DIAPH2: variants seen among roughly 807,000 people sequenced by gnomAD.
The protein encoded by DIAPH2 is diaphanous related formin 2, also known as protein diaphanous homolog 2.
A neutral mutation model predicts 92.7 loss-of-function variants in DIAPH2; 35 were observed. The observed-to-expected ratio is 0.38, with a 90% CI of 0.29 to 0.50. The LOEUF (loss-of-function observed/expected upper bound fraction) is 0.50. DIAPH2 is among the 20% of genes least tolerant of loss of function. The pLI, the probability that DIAPH2 is intolerant of heterozygous loss-of-function variation, is 0.94. For synonymous variants in DIAPH2, 301 were observed against 280.4 expected, an observed-to-expected ratio of 1.07 and a Z score of -0.73; for missense variants, 701 against 819.5, an observed-to-expected ratio of 0.86 and a Z score of 1.77.
At position 97,268,926 on chromosome X, in the gene DIAPH2, G is replaced by C. The variant is rs978922853; in HGVS notation, c.2844+21087G>C. Among the ~76,000 whole-genome samples the C allele has an allele frequency of 5.1e-5, 5 of 98,998 alleles. No individual in the cohort carries two copies. The Admixed American group carries it at 5.9e-4, about 12-fold the overall frequency. 86.0% of individuals were successfully genotyped at this position (98,998 alleles called of 115,157 possible). On this transcript the variant is annotated intron_variant, in intron 23 of 26. Transcript: ENST00000324765. ...GGCTGGAGTGCAGTGGTGCAATCTCGGCTCACTGCAACCTCCGCCTCCCAG... is the reference window on the plus strand; with the variant it reads ...GGCTGGAGTGCAGTGGTGCAATCTCCGCTCACTGCAACCTCCGCCTCCCAG...
At chrX:97,334,462 C>CCA (rs1962171338) in intron 23 of DIAPH2, among the ~76,000 whole-genome samples, 1 of 32,635 alleles carries the variant, frequency 3.1e-5, no homozygotes, top group Non-Finnish European at 5.3e-5. Flanking sequence ...GACTCCGTCT[C>CCA]AAAAAAAAAA....
At chrX:96,759,812 A>T (rs1225010836) in intron 4 of DIAPH2, among the ~76,000 whole-genome samples, 1 of 111,821 alleles carries the variant, frequency 8.9e-6, no homozygotes, top group Non-Finnish European at 1.9e-5. Context: ...TGAGTATTAC[A>T]TGATTTCTGT....
At chrX:97,357,457 C>G (rs1333598248) in intron 24 of DIAPH2, among the ~76,000 whole-genome samples, 1 of 106,791 alleles carries the variant, frequency 9.4e-6, no homozygotes, top group Admixed American at 1.0e-4. Flanking sequence ...TGCCTGCCCC[C>G]TCTTCTTCTC....
intron 1 of DIAPH2, among the ~76,000 whole-genome samples, chrX:96,707,336 C>T (rs889719310): frequency 1.9e-5 from 2 of 108,053 alleles, no homozygotes; most frequent in Non-Finnish European, 3.8e-5. Flanking sequence ...GCCCAGCTAA[C>T]GTTTTTGTAT....
At chrX:96,733,428 T>A (rs187176753) in intron 1 of DIAPH2, among the ~76,000 whole-genome samples, 1 of 110,813 alleles carries the variant, frequency 9.0e-6, no homozygotes, top group African/African-American at 3.3e-5. Flanking sequence ...TATTGCCTCA[T>A]TGGGGAGCCG....
intron 23 of DIAPH2, among the ~76,000 whole-genome samples, chrX:97,339,172 C>G (rs987514422): frequency 1.8e-5 from 2 of 110,155 alleles, no homozygotes; most frequent in Non-Finnish European, 3.8e-5. Context: ...GCATAAATAC[C>G]CCAGTAATTC....
intron 19 of DIAPH2, among the ~76,000 whole-genome samples, chrX:97,096,521 G>A (rs1408487243): frequency 9.0e-6 from 1 of 111,372 alleles, no homozygotes. Context: ...GGCAACTGTG[G>A]GTTCTTGTTT....
chrX:97,082,263 T>C (rs961692550), intron 19 of DIAPH2, among the ~76,000 whole-genome samples: 1 of 110,223 alleles, frequency 9.1e-6, no homozygotes, highest in African/African-American at 3.3e-5. Flanking sequence ...TCTTTCATAC[T>C]ATATCCATTG....
At chrX:97,521,757 A>T (rs1246936077) in intron 26 of DIAPH2, among the ~76,000 whole-genome samples, 1 of 111,666 alleles carries the variant, frequency 9.0e-6, no homozygotes, top group Non-Finnish European at 1.9e-5. Context: ...GCCTTGGGGA[A>T]CTGTGAATCA....
intron 17 of DIAPH2, among the ~76,000 whole-genome samples, chrX:97,009,900 T>C (rs144511152): frequency 0.1 from 11,072 of 110,731 alleles, 638 homozygotes; most frequent in African/African-American, 0.21. Flanking sequence ...GCCTGGGTGG[T>C]GGTGGGGGGC....
At chrX:96,965,293 A>G in intron 17 of DIAPH2, 86 bp downstream of exon 17, 1 of 603,448 alleles carries the variant, frequency 1.7e-6, no homozygotes, top group South Asian at 4.4e-5. Context: ...TAATGGGTAT[A>G]TGTATACTTT....
chrX:96,915,774 TGCATGCACAC>T, intron 7 of DIAPH2, among the ~76,000 whole-genome samples: 1 of 112,098 alleles, frequency 8.9e-6, no homozygotes, highest in East Asian at 2.8e-4. Flanking sequence ...ATTAAGTGCG[TGCATGCACAC>T]GCATGCACAC....
Position 97,455,145 on chromosome X carries a change from T to C in DIAPH2, c.3241+25400T>C, listed in dbSNP as rs149412931. ...TTGTTGCTATTTAGGACGTATAGACTCTCTGCTATCCAGATCAACTCACTG... is the reference window on the plus strand; with the variant it reads ...TTGTTGCTATTTAGGACGTATAGACCCTCTGCTATCCAGATCAACTCACTG... On this transcript the variant is annotated intron_variant, in intron 26 of 26. Transcript: ENST00000324765. 2.0e-3 allele frequency among the ~76,000 whole-genome samples: 221 copies of C among 112,498 alleles called. 1 individual carries two copies. The highest frequency in any genetic ancestry group is 6.9e-3 in the African/African-American group (213 of 31,050).
At position 97,599,902 on chromosome X, in the gene DIAPH2, A is replaced by C. The variant is rs1217153786; in HGVS notation, c.*585A>C. The C allele has an allele frequency of 8.9e-6, 1 of 112,473 alleles. No individual in the cohort carries two copies. Among genetic ancestry groups the C allele is most frequent in the East Asian group, 2.8e-4 (1 of 3,597 alleles). The allele number at this position is 112,473 out of a possible 1,213,427, so 9.3% of individuals were successfully genotyped here. On this transcript the variant is annotated 3_prime_UTR_variant, in exon 27 of 27. Transcript: ENST00000324765. ...TTTTATCTCAAGTGAAAGCTGATGG[A>C]TTCATCTGCTTTGGCTGAAATTAAA... is the stretch of plus-strand genomic sequence containing the variant.
intron 17 of DIAPH2, among the ~76,000 whole-genome samples, chrX:97,060,495 G>A (rs1454587179): frequency 9.1e-6 from 1 of 110,130 alleles, no homozygotes; most frequent in African/African-American, 3.3e-5. Context: ...AGCTCTATCC[G>A]CAGTCTACAG....
chrX:97,427,135 G>A (rs950941733), intron 25 of DIAPH2, among the ~76,000 whole-genome samples: 9 of 108,004 alleles, frequency 8.3e-5, no homozygotes, highest in South Asian at 8.3e-4. Context: ...CAGAGATTGC[G>A]CCACTGCACT....
chrX:97,201,649 C>T (rs926545930), intron 22 of DIAPH2, among the ~76,000 whole-genome samples: 9 of 109,703 alleles, frequency 8.2e-5, no homozygotes, highest in Middle Eastern at 4.7e-3. Flanking sequence ...AACAAACCCT[C>T]CAAGAAATGT....
At chrX:97,211,976 A>G (rs965256210) in intron 22 of DIAPH2, among the ~76,000 whole-genome samples, 1 of 111,736 alleles carries the variant, frequency 8.9e-6, no homozygotes, top group Non-Finnish European at 1.9e-5. Context: ...ACAGATACCT[A>G]TAATAAAACA....
At chrX:96,995,296 T>C (rs1164361754) in intron 17 of DIAPH2, among the ~76,000 whole-genome samples, 5 of 109,481 alleles carry the variant, frequency 4.6e-5, no homozygotes, top group Admixed American at 3.9e-4. Flanking sequence ...TTCTTTGGAG[T>C]TTAGGACCAT....
Sources: allele counts gnomAD v4.1 joint callset (sites outside exome capture counted in the v4.1 genomes callset), GRCh38; gene constraint gnomAD v4.1.1; transcripts MANE v1.5; gene names NCBI Gene and HGNC (gene_info 2026-07-23, HGNC 2026-07-21).